Variants in AGAP1 observed in about 807,000 individuals in gnomAD.
AGAP1 encodes the protein arf-GAP with GTPase, ANK repeat and PH domain-containing protein 1.
In AGAP1, 29 loss-of-function variants were observed where a neutral mutation model predicts 105.3. The observed-to-expected ratio is 0.28, with a 90% CI of 0.21 to 0.38. The LOEUF (loss-of-function observed/expected upper bound fraction) is 0.38. Among genes scored for constraint, AGAP1 ranks in the 10% least tolerant of loss-of-function variants. The probability of loss-of-function intolerance (pLI) is 1.00; values close to 1 mark genes in which losing one functional copy is unlikely to be tolerated. For missense variants in AGAP1, 998 were observed against 1,165.1 expected (o/e 0.86, Z 2.09); for synonymous variants, 509 against 485.9 (o/e 1.05, Z -0.63).
At chr2:235,613,688 A>G (rs1946214805) in intron 1 of AGAP1, among the ~76,000 whole-genome samples, 1 of 152,258 alleles carries the variant, frequency 6.6e-6, no homozygotes, top group Non-Finnish European at 1.5e-5. Context: ...AACTAGAACC[A>G]CTTTATTGCT....
chr2:235,909,711 A>G (rs1339896194), intron 11 of AGAP1, among the ~76,000 whole-genome samples: 1 of 152,130 alleles, frequency 6.6e-6, no homozygotes, highest in Non-Finnish European at 1.5e-5. Context: ...TCTCCCACCT[A>G]CATCCAGTCT....
At chr2:235,928,106 G>A (rs537514429) in intron 11 of AGAP1, among the ~76,000 whole-genome samples, 4 of 152,276 alleles carry the variant, frequency 2.6e-5, no homozygotes, top group Admixed American at 6.5e-5. Flanking sequence ...CCCCCCAATC[G>A]CACCCCCAGC....
rs2057359420 is a variant in AGAP1 at position 236,035,696 on chromosome 2, C to G, written c.1646-865C>G. Among the ~76,000 whole-genome samples the G allele has an allele frequency of 6.6e-6, 1 of 152,092 alleles. No homozygotes were observed. Among genetic ancestry groups the G allele is most frequent in the Admixed American group, 6.5e-5 (1 of 15,282 alleles). ...GTGGTGCCTCCTCCTTTGGCGGGGACTTGGGGGCCGGGAGTAGGGACAGGA... is the reference window on the plus strand; with the variant it reads ...GTGGTGCCTCCTCCTTTGGCGGGGAGTTGGGGGCCGGGAGTAGGGACAGGA... On this transcript the variant is annotated intron_variant, in intron 13 of 17. Coordinates refer to ENST00000304032, the MANE Select transcript of AGAP1 (RefSeq NM_001037131.3). The surrounding 1 kb of genome is among the most constrained non-coding windows in gnomAD (Gnocchi z 4.2).
chr2:235,851,024 G>T (rs1374464708), intron 9 of AGAP1, among the ~76,000 whole-genome samples: 5 of 152,246 alleles, frequency 3.3e-5, no homozygotes, highest in Non-Finnish European at 7.3e-5. Context: ...GGGGCTCCCA[G>T]GCAGGCTGTT....
Position 236,120,167 on chromosome 2 carries a change from G to A in AGAP1, c.2115-25G>A, listed in dbSNP as rs1358829977. 2 of 1,595,848 alleles carry A rather than the reference G, an allele frequency of 1.3e-6. No homozygotes were observed. Among genetic ancestry groups the A allele is most frequent in the Non-Finnish European group, 1.7e-6 (2 of 1,169,812 alleles). On this transcript the variant is annotated intron_variant, in intron 16 of 17. Transcript: ENST00000304032. The surrounding 1 kb of genome is among the most constrained non-coding windows in gnomAD (Gnocchi z 6.0). ...TGTGTTCTCGGGCCTGATCGTGACT[G>A]CACCTGTCTGGTGGCTCTTTGCAGG...
Position 235,875,861 on chromosome 2 carries a change from A to G in AGAP1, c.1051-7484A>G, listed in dbSNP as rs1341822098. ...TTATAATTGCACTAGGGACTTCTAA[A>G]TTTTTATTCAATGGGTAAATGTCTT... On this transcript the variant is annotated intron_variant, in intron 9 of 17. Coordinates refer to ENST00000304032, the MANE Select transcript of AGAP1 (RefSeq NM_001037131.3). The surrounding 1 kb of genome is among the most constrained non-coding windows in gnomAD (Gnocchi z 4.0). 6.6e-6 allele frequency among the ~76,000 whole-genome samples: 1 copy of G among 152,212 alleles called. No homozygotes were observed. Among genetic ancestry groups the G allele is most frequent in the Non-Finnish European group, 1.5e-5 (1 of 68,034 alleles).
At chr2:235,836,168 T>TA (rs1327101869) in intron 9 of AGAP1, among the ~76,000 whole-genome samples, 1 of 151,736 alleles carries the variant, frequency 6.6e-6, no homozygotes, top group Non-Finnish European at 1.5e-5. Context: ...ATCAAAAGAG[T>TA]AAACTGAACA....
rs192784256 is a variant in AGAP1, at chr2:235,977,879, T to C, written c.1645+9256T>C. Among the ~76,000 whole-genome samples, 383 of 152,324 alleles carry C rather than the reference T, an allele frequency of 2.5e-3. No individual in the cohort carries two copies. The highest frequency in any genetic ancestry group is 4.4e-3 in the Non-Finnish European group (299 of 68,032). ...CCTGCCATATCAAAATGCCACAGAC[T>C]GGGGGCTTAACCAGCAGAAACTCAT... On this transcript the variant is annotated intron_variant, in intron 13 of 17. Transcript: ENST00000304032. The surrounding 1 kb of genome is among the most constrained non-coding windows in gnomAD (Gnocchi z 5.2).
chr2:236,122,571 T>C (rs992780509), intron 17 of AGAP1, among the ~76,000 whole-genome samples: 29 of 152,160 alleles, frequency 1.9e-4, no homozygotes, highest in African/African-American at 7.0e-4. Flanking sequence ...GTTGTGTACT[T>C]TAACCTCATA....
intron 16 of AGAP1, among the ~76,000 whole-genome samples, chr2:236,068,324 T>TA (rs1480140973): frequency 6.6e-6 from 1 of 151,972 alleles, no homozygotes; most frequent in Non-Finnish European, 1.5e-5. Context: ...CATCTGATGG[T>TA]AAAAAACAAA....
rs1947754814 is a variant in AGAP1, at chr2:235,655,889, C to G, written c.164-53290C>G. 6.6e-6 allele frequency among the ~76,000 whole-genome samples: 1 copy of G among 152,090 alleles called. No homozygotes were observed. Among genetic ancestry groups the G allele is most frequent in the South Asian group, 2.1e-4 (1 of 4,814 alleles). ...GAAGAATCTTTGTTGGAATATGACC[C>G]TGGGTTTTGTATGGAAAAGGGAGGG... On this transcript the variant is annotated intron_variant, in intron 1 of 17. Coordinates refer to ENST00000304032, the MANE Select transcript of AGAP1 (RefSeq NM_001037131.3). The surrounding 1 kb of genome is among the most constrained non-coding windows in gnomAD (Gnocchi z 4.3).
rs115534715 is a variant in AGAP1 at position 235,895,988 on chromosome 2, C to T, written c.1155+12539C>T. On this transcript the variant is annotated intron_variant, in intron 10 of 17. Transcript: ENST00000304032. ...GTAAAATACATACAACATTTGCCAC[C>T]TTAATCATTTTAAGTATACTGTTCA... is the stretch of plus-strand genomic sequence containing the variant. Among the ~76,000 whole-genome samples, 701 of 152,212 alleles carry T rather than the reference C, an allele frequency of 4.6e-3. 7 individuals are homozygous for T. The highest frequency in any genetic ancestry group is 0.016 in the African/African-American group (669 of 41,508).
intron 12 of AGAP1, among the ~76,000 whole-genome samples, chr2:235,938,622 T>A (rs2053102760): frequency 6.6e-6 from 1 of 151,890 alleles, no homozygotes; most frequent in Admixed American, 6.6e-5. Context: ...AAGGCTTGGG[T>A]GTGGTTTGTC....
At chr2:235,542,247 A>G (rs1943470770) in intron 1 of AGAP1, among the ~76,000 whole-genome samples, 1 of 151,674 alleles carries the variant, frequency 6.6e-6, no homozygotes, top group Non-Finnish European at 1.5e-5. Context: ...GAGAGCCCGG[A>G]GTTAGGTGTT....
Position 235,801,830 on chromosome 2 carries a change from G to A in AGAP1, c.957+2308G>A, listed in dbSNP as rs1485171047. Among the ~76,000 whole-genome samples the A allele has an allele frequency of 6.6e-6, 1 of 152,108 alleles. No homozygotes were observed. The highest frequency in any genetic ancestry group is 1.5e-5 in the Non-Finnish European group (1 of 68,040). Reference sequence around the variant, plus strand: ...ACTCATTCTCAGACGCCTTCTGAGGGCCACATTTTCTGCTTGTTGACTTTG... The same window carrying A: ...ACTCATTCTCAGACGCCTTCTGAGGACCACATTTTCTGCTTGTTGACTTTG... On this transcript the variant is annotated intron_variant, in intron 8 of 17. Transcript: ENST00000304032. The surrounding 1 kb of genome is among the most constrained non-coding windows in gnomAD (Gnocchi z 6.0).
chr2:235,670,634 G>A lies in AGAP1; in HGVS notation c.164-38545G>A, dbSNP rs1261915584. 1.1e-5 allele frequency: 7 copies of A among 621,230 alleles called. No homozygotes were observed. In the South Asian group the frequency reaches 1.2e-4, roughly 11 times the overall value. 38.5% of individuals were successfully genotyped at this position (621,230 alleles called of 1,614,324 possible). On this transcript the variant is annotated intron_variant, in intron 1 of 17. Transcript: ENST00000304032. The stretch of plus-strand genomic sequence containing the variant: ...CGGCGGAAGGCGCCACAGCAGCTCC[G>A]GGAGCCTGGCCTGGGCGCCGTGCGA...
intron 1 of AGAP1, among the ~76,000 whole-genome samples, chr2:235,563,009 G>A (rs1235368638): frequency 2.0e-5 from 3 of 152,070 alleles, no homozygotes; most frequent in East Asian, 1.9e-4. Context: ...GCAGTGAGCC[G>A]CTGCACACCA....
intron 13 of AGAP1, among the ~76,000 whole-genome samples, chr2:235,999,259 ATAG>A (rs1201923350): frequency 2.2e-5 from 3 of 138,838 alleles, no homozygotes; most frequent in African/African-American, 2.7e-5. Context: ...GGTGACAATG[ATAG>A]TAGTGATTGT....
rs772899488 is a variant in AGAP1, at chr2:236,040,712, G to T, written c.1801-39G>T. The T allele has an allele frequency of 1.9e-6, 3 of 1,603,296 alleles. No individual in the cohort carries two copies. The highest frequency in any genetic ancestry group is 2.6e-6 in the Non-Finnish European group (3 of 1,172,236). ...ATCAGTGATGTGCGTTTCTCCCGGG[G>T]TGCTTACGCCTTGTATTTGTGTCTT... On this transcript the variant is annotated intron_variant, in intron 14 of 17. Coordinates refer to ENST00000304032, the MANE Select transcript of AGAP1 (RefSeq NM_001037131.3). The surrounding 1 kb of genome is among the most constrained non-coding windows in gnomAD (Gnocchi z 5.6).
Sources: allele counts gnomAD v4.1 joint callset (sites outside exome capture counted in the v4.1 genomes callset), GRCh38; gene constraint gnomAD v4.1.1; non-coding constraint Gnocchi (gnomAD v3.1); transcripts MANE v1.5; gene names NCBI Gene and HGNC (gene_info 2026-07-23, HGNC 2026-07-21).